LHCGR: variants seen among roughly 807,000 people sequenced by gnomAD.
LHCGR encodes the protein luteinizing hormone/choriogonadotropin receptor.
In LHCGR, 55 loss-of-function variants were observed where a neutral mutation model predicts 60.7. The observed-to-expected ratio is 0.91, with a 90% CI of 0.73 to 1.13. The LOEUF (loss-of-function observed/expected upper bound fraction) is 1.13, where lower values mean the gene tolerates loss of function less well. Ranked by LOEUF, LHCGR falls within the 50% of genes most tolerant of loss-of-function variation. The pLI is 0.00. For missense variants in LHCGR, 862 were observed against 836.0 expected (o/e 1.03, Z -0.38); for synonymous variants, 337 against 316.5 (o/e 1.06, Z -0.69).
intron 1 of LHCGR, among the ~76,000 whole-genome samples, chr2:48,754,821 T>G (rs972316285): frequency 1.3e-5 from 2 of 152,156 alleles, no homozygotes; most frequent in Non-Finnish European, 2.9e-5. Context: ...TTTACCCCAT[T>G]ACTCCAGAAA....
At chr2:48,690,360 C>G (rs929705609) in intron 10 of LHCGR, among the ~76,000 whole-genome samples, 1 of 152,164 alleles carries the variant, frequency 6.6e-6, no homozygotes, top group Admixed American at 6.6e-5. Context: ...GCTGTGTAAT[C>G]CCAGGAGAGT....
Position 48,688,430 on chromosome 2 carries a change from G to C in LHCGR, c.1367C>G (p.Thr456Ser), listed in dbSNP as rs759013538. The stretch of plus-strand genomic sequence containing the variant: ...TCTTTCTAGAGTGATGACGGTGAGG[G>C]TGTAGACAGAAAGTTCACTTGCGAA... The part of the protein sequence containing the change: ...TVFASELSVY[T>S]LTVITLERWH... The change falls in exon 11 of 11, where the codon ACC (threonine) becomes AGC (serine). Residue 456 changes from threonine (T) to serine (S), a missense_variant. Thr to Ser is a moderately conservative substitution (Grantham distance 58). Coordinates refer to ENST00000294954, the MANE Select transcript of LHCGR (RefSeq NM_000233.4). The surrounding 1 kb of genome is among the most constrained non-coding windows in gnomAD (Gnocchi z 5.2). 3.7e-6 allele frequency: 6 copies of C among 1,614,164 alleles called. No homozygotes were observed. The highest frequency in any genetic ancestry group is 5.1e-6 in the Non-Finnish European group (6 of 1,180,032).
intron 8 of LHCGR, among the ~76,000 whole-genome samples, chr2:48,705,238 C>T (rs1433655725): frequency 2.0e-5 from 3 of 152,180 alleles, no homozygotes; most frequent in African/African-American, 7.2e-5. Flanking sequence ...AATTTGATGG[C>T]ACTGTGGTCT....
Position 48,755,616 on chromosome 2 carries a change from G to GGCTGCAGCTGCAGCGGCGGCTGCA in LHCGR, c.55_56insTGCAGCCGCCGCTGCAGCTGCAGC (p.Gln18_Pro19insLeuGlnProProLeuGlnLeuGln), listed in dbSNP as rs71245621. On this transcript the variant is annotated inframe_insertion, in exon 1 of 11. Coordinates refer to ENST00000294954, the MANE Select transcript of LHCGR (RefSeq NM_000233.4). Reference sequence around the variant, plus strand: ...CTCGCGCAGCGCTCGTGGCAGCGGCGGCTGCAGCAGCAGCAGCAGCTTCAG... The same window carrying GGCTGCAGCTGCAGCGGCGGCTGCA: ...CTCGCGCAGCGCTCGTGGCAGCGGCGGCTGCAGCTGCAGCGGCGGCTGCAGCTGCAGCAGCAGCAGCAGCTTCAG... The GGCTGCAGCTGCAGCGGCGGCTGCA allele has an allele frequency of 2.0e-6, 3 of 1,532,452 alleles. No homozygotes were observed. The highest frequency in any genetic ancestry group is 2.6e-6 in the Non-Finnish European group (3 of 1,142,874). The allele number at this position is 1,532,452 out of a possible 1,614,324, so 94.9% of individuals were successfully genotyped here. A position where few individuals can be genotyped will look rare whatever the true frequency, so the allele number is the denominator to read the frequency against.
At chr2:48,745,949 C>G (rs61085156) in intron 1 of LHCGR, among the ~76,000 whole-genome samples, 23,258 of 152,000 alleles carry the variant, frequency 0.15, 2,263 homozygotes, top group East Asian at 0.34. Flanking sequence ...GTGGCACTTG[C>G]TTTCTCTCTT....
intron 4 of LHCGR, among the ~76,000 whole-genome samples, chr2:48,725,339 A>T (rs1166797531): frequency 2.6e-5 from 4 of 152,166 alleles, no homozygotes; most frequent in Non-Finnish European, 5.9e-5. Context: ...CCTACTCTCT[A>T]TTCACTTCAG....
intron 1 of LHCGR, among the ~76,000 whole-genome samples, chr2:48,754,750 T>C (rs760481541): frequency 2.1e-4 from 32 of 152,146 alleles, no homozygotes; most frequent in Non-Finnish European, 3.7e-4. Flanking sequence ...TTTTTCTAAA[T>C]AGGAGAAAGG....
At chr2:48,749,950 C>T (rs946339688) in intron 1 of LHCGR, among the ~76,000 whole-genome samples, 6 of 152,210 alleles carry the variant, frequency 3.9e-5, no homozygotes, top group African/African-American at 4.8e-5. Context: ...GAGCTTCTCC[C>T]GAGGAGTCTG....
chr2:48,711,955 C>T (rs1668011861), intron 7 of LHCGR, among the ~76,000 whole-genome samples: 1 of 152,110 alleles, frequency 6.6e-6, no homozygotes, highest in African/African-American at 2.4e-5. Flanking sequence ...AAACTCTTTA[C>T]TATGGCATCT....
intron 1 of LHCGR, among the ~76,000 whole-genome samples, chr2:48,747,054 T>C (rs756537541): frequency 1.1e-4 from 16 of 152,058 alleles, no homozygotes; most frequent in African/African-American, 2.9e-4. Flanking sequence ...GCAACTGATA[T>C]ACTACATACT....
chr2:48,725,588 C>G, intron 4 of LHCGR, 88 bp downstream of exon 4: 1 of 961,076 alleles, frequency 1.0e-6, no homozygotes, highest in African/African-American at 1.6e-5. Flanking sequence ...TATGGTTAAA[C>G]AAAATCTTTC....
chr2:48,728,087 G>GT lies in LHCGR; in HGVS notation c.308+1065dup, dbSNP rs10533413. On this transcript the variant is annotated intron_variant, in intron 3 of 10. Transcript: ENST00000294954. ...TGTAAACTTTCTTAAAACATTATGA[G>GT]TTTTTTTTTTTTTTTAAACTCATCA... Among the ~76,000 whole-genome samples, 176 of 148,814 alleles carry GT rather than the reference G, an allele frequency of 1.2e-3. 2 individuals carry two copies. The highest frequency in any genetic ancestry group is 1.3e-3 in the African/African-American group (53 of 40,542).
intron 1 of LHCGR, among the ~76,000 whole-genome samples, chr2:48,738,481 G>T (rs893099530): frequency 6.6e-6 from 1 of 152,114 alleles, no homozygotes; most frequent in African/African-American, 2.4e-5. Context: ...TACTCTTCCT[G>T]ACAACTCCTG....
At chr2:48,709,832 C>T (rs1667890676) in intron 7 of LHCGR, among the ~76,000 whole-genome samples, 1 of 152,178 alleles carries the variant, frequency 6.6e-6, no homozygotes, top group Non-Finnish European at 1.5e-5. Context: ...TATCTCTAAG[C>T]ACAGGCCCTT....
chr2:48,707,654 C>A (rs1012874864), intron 8 of LHCGR, among the ~76,000 whole-genome samples: 3 of 152,376 alleles, frequency 2.0e-5, no homozygotes, highest in African/African-American at 7.2e-5. Flanking sequence ...CCGCCCAGTT[C>A]GAACTTCCTG....
chr2:48,712,476 T>G (rs1668040413), intron 7 of LHCGR, among the ~76,000 whole-genome samples: 2 of 152,256 alleles, frequency 1.3e-5, no homozygotes, highest in Admixed American at 6.5e-5. Context: ...TCGATTTAAT[T>G]GGCCAGAGTG....
intron 2 of LHCGR, 91 bp downstream of exon 2, chr2:48,731,136 G>A: frequency 1.2e-6 from 1 of 849,632 alleles, no homozygotes; most frequent in Non-Finnish European, 2.0e-6. Flanking sequence ...TTCTTTCCTA[G>A]AAAAATTATC....
intron 9 of LHCGR, 135 bp from the exon 10 acceptor site, chr2:48,694,439 A>T (rs1667018252): frequency 1.5e-6 from 1 of 671,642 alleles, no homozygotes; most frequent in South Asian, 1.6e-5. Context: ...CCATTGTCCT[A>T]ACTGAAATGC....
intron 1 of LHCGR, among the ~76,000 whole-genome samples, chr2:48,745,925 G>A (rs896332846): frequency 6.6e-6 from 1 of 151,958 alleles, no homozygotes; most frequent in Non-Finnish European, 1.5e-5. Context: ...CTATGGAAAG[G>A]GTTTTCATCA....
Sources: gnomAD v4.1 joint callset for allele counts (sites outside exome capture counted in the v4.1 genomes callset) on GRCh38, gnomAD v4.1.1 for gene constraint, Gnocchi (gnomAD v3.1) non-coding constraint, MANE v1.5 for transcripts, NCBI Gene and HGNC (gene_info 2026-07-23, HGNC 2026-07-21) for gene names.